SDS: variants seen among roughly 807,000 people sequenced by gnomAD.
SDS encodes the protein L-serine dehydratase/L-threonine deaminase.
In SDS, 19 loss-of-function variants were observed where a neutral mutation model predicts 29.3. The ratio of observed to expected loss-of-function variants is 0.65; its 90% CI spans 0.45 to 0.95. SDS has a LOEUF of 0.95. SDS is among the 40% of genes least tolerant of loss of function. The pLI, the probability that SDS is intolerant of heterozygous loss-of-function variation, is 0.00. For synonymous variants in SDS, 176 were observed against 189.0 expected (o/e 0.93, Z 0.56); for missense variants, 375 against 439.9 (o/e 0.85, Z 1.32).
At chr12:113,393,774 T>A (rs1339880277) in intron 7 of SDS, 118 bp downstream of exon 7, 1 of 1,348,164 alleles carries the variant, frequency 7.4e-7, no homozygotes, top group Admixed American at 2.0e-5. Flanking sequence ...TAGGCAGAGG[T>A]GGAAGACAGA....
chr12:113,395,733 A>G (rs540648349), intron 6 of SDS, among the ~76,000 whole-genome samples: 1 of 152,202 alleles, frequency 6.6e-6, no homozygotes, highest in South Asian at 2.1e-4. Context: ...TGGCGCCCTG[A>G]CTTTTCATGG....
chr12:113,402,104 A>G (rs1957687318), intron 1 of SDS, among the ~76,000 whole-genome samples: 1 of 152,104 alleles, frequency 6.6e-6, no homozygotes, highest in Non-Finnish European at 1.5e-5. Context: ...CATCCCCTAA[A>G]TAGGTCACCC....
At chr12:113,394,335 GTTTTTTTGTTT>G (rs1565868914) in intron 6 of SDS, among the ~76,000 whole-genome samples, 1 of 142,808 alleles carries the variant, frequency 7.0e-6, no homozygotes, top group East Asian at 2.0e-4. Context: ...TTTTTTTGTT[GTTTTTTTGTTT>G]TTTTTTTTTT....
intron 1 of SDS, among the ~76,000 whole-genome samples, chr12:113,400,472 CAA>C (rs201609642): frequency 7.4e-6 from 1 of 134,732 alleles, no homozygotes; most frequent in Non-Finnish European, 1.6e-5. Context: ...GACTGTGTCT[CAA>C]AAAAAAAAAA....
intron 6 of SDS, among the ~76,000 whole-genome samples, chr12:113,395,254 C>T (rs1321020595): frequency 6.6e-6 from 1 of 152,196 alleles, no homozygotes; most frequent in African/African-American, 2.4e-5. Context: ...CCTCTCCCTT[C>T]CCCAGGAGCA....
Position 113,392,863 on chromosome 12 carries a change from A to T in SDS, c.*78T>A. On this transcript the variant is annotated 3_prime_UTR_variant, in exon 8 of 8. Transcript: ENST00000257549. ...CCACAGGTGCTCAGCCAAACATACG[A>T]CGAGGCGCTGGATAAAACTCCAGCC... is the stretch of plus-strand genomic sequence containing the variant. 1 of 1,373,272 alleles carries T rather than the reference A, an allele frequency of 7.3e-7. No individual in the cohort carries two copies. The allele number at this position is 1,373,272 out of a possible 1,614,324, so 85.1% of individuals were successfully genotyped here.
chr12:113,397,638 G>A (rs1957656259), intron 5 of SDS, among the ~76,000 whole-genome samples: 1 of 152,166 alleles, frequency 6.6e-6, no homozygotes, highest in African/African-American at 2.4e-5. Context: ...ATGGCTACGA[G>A]TCGGTGTACA....
At chr12:113,395,875 G>A (rs1472378301) in intron 6 of SDS, among the ~76,000 whole-genome samples, 1 of 152,194 alleles carries the variant, frequency 6.6e-6, no homozygotes, top group African/African-American at 2.4e-5. Flanking sequence ...ACTTTGGGAG[G>A]CTGAGGTGGG....
Position 113,398,573 on chromosome 12 carries a change from G to A in SDS, c.367C>T (p.Leu123=). ...LDEAFELAKA[L]AKNNPGWVYI... is the part of the protein sequence containing the mutation. Reference sequence around the variant, plus strand: ...ACCCAACCCGGGTTGTTCTTCGCTAGGGCCTTGGCCAGCTCGAAGGCTTCA... The same window carrying A: ...ACCCAACCCGGGTTGTTCTTCGCTAAGGCCTTGGCCAGCTCGAAGGCTTCA... The change falls in exon 5 of 8, where the codon CTA becomes TTA. Residue 123 remains leucine (L), a synonymous_variant. Transcript: ENST00000257549. 6.3e-7 allele frequency: 1 copy of A among 1,595,312 alleles called. No individual in the cohort carries two copies. Among genetic ancestry groups the A allele is most frequent in the Non-Finnish European group, 8.5e-7 (1 of 1,170,028 alleles).
chr12:113,395,850 G>A (rs550301965), intron 6 of SDS, among the ~76,000 whole-genome samples: 17 of 152,166 alleles, frequency 1.1e-4, no homozygotes, highest in Non-Finnish European at 2.5e-4. Context: ...GGTGGCTCAC[G>A]CCTGTAATCC....
chr12:113,392,873 G>T lies in SDS; in HGVS notation c.*68C>A. 6.9e-7 allele frequency: 1 copy of T among 1,450,678 alleles called. No individual in the cohort carries two copies. The highest frequency in any genetic ancestry group is 9.6e-7 in the Non-Finnish European group (1 of 1,043,900). 89.9% of individuals were successfully genotyped at this position (1,450,678 alleles called of 1,614,324 possible). ...TCAGCCAAACATACGACGAGGCGCT[G>T]GATAAAACTCCAGCCCCTCCAGGGG... On this transcript the variant is annotated 3_prime_UTR_variant, in exon 8 of 8. Transcript: ENST00000257549.
chr12:113,400,110 G>A (rs1243706035), intron 1 of SDS, among the ~76,000 whole-genome samples: 1 of 152,172 alleles, frequency 6.6e-6, no homozygotes, highest in East Asian at 1.9e-4. Flanking sequence ...TGGCCAACAT[G>A]GTGAAACCCC....
chr12:113,392,828 T>C lies in SDS; in HGVS notation c.*113A>G, dbSNP rs1957618985. ...GGCTCCTGATAACAAGAAGTTAACC[T>C]GCACCCAGGCCACAGGTGCTCAGCC... On this transcript the variant is annotated 3_prime_UTR_variant, in exon 8 of 8. Coordinates refer to ENST00000257549, the MANE Select transcript of SDS (RefSeq NM_006843.3). The C allele has an allele frequency of 4.9e-6, 5 of 1,018,488 alleles. No individual in the cohort carries two copies. Among genetic ancestry groups the C allele is most frequent in the Non-Finnish European group, 7.5e-6 (5 of 667,220 alleles). 63.1% of individuals were successfully genotyped at this position (1,018,488 alleles called of 1,614,324 possible).
intron 6 of SDS, chr12:113,396,835 C>T (rs1451277231): frequency 2.6e-6 from 1 of 385,006 alleles, no homozygotes; most frequent in East Asian, 4.4e-5. Flanking sequence ...GTGGGAATCT[C>T]TCTATGTTGC....
chr12:113,402,858 G>A (rs1008501921), intron 1 of SDS, among the ~76,000 whole-genome samples: 4 of 152,184 alleles, frequency 2.6e-5, no homozygotes, highest in Non-Finnish European at 5.9e-5. Flanking sequence ...CTTCAGAAGA[G>A]GTTGTGCCCG....
rs1312016947 is a variant in SDS, at chr12:113,392,812, TAAC to T, written c.*126_*128del. On this transcript the variant is annotated 3_prime_UTR_variant, in exon 8 of 8. Coordinates refer to ENST00000257549, the MANE Select transcript of SDS (RefSeq NM_006843.3). ...TGGCCTCTGCATAGTGGGCTCCTGA[TAAC>T]AAGAAGTTAACCTGCACCCAGGCCA... 3 of 887,866 alleles carry T rather than the reference TAAC, an allele frequency of 3.4e-6. No individual in the cohort carries two copies. Among genetic ancestry groups the T allele is most frequent in the East Asian group, 4.8e-5 (2 of 41,686 alleles). The allele number at this position is 887,866 out of a possible 1,614,324, so 55.0% of individuals were successfully genotyped here.
At chr12:113,403,311 G>A (rs946561001) in intron 1 of SDS, among the ~76,000 whole-genome samples, 1 of 151,798 alleles carries the variant, frequency 6.6e-6, no homozygotes, top group Admixed American at 6.6e-5. Context: ...CTTTTTTTAG[G>A]TCAGGAGTTC....
At chr12:113,400,211 T>C (rs1021206384) in intron 1 of SDS, among the ~76,000 whole-genome samples, 1 of 151,904 alleles carries the variant, frequency 6.6e-6, no homozygotes, top group East Asian at 1.9e-4. Context: ...GAGAATCACT[T>C]GAACCCAGGA....
Position 113,398,556 on chromosome 12 carries a change from CG to C in SDS, c.383del (p.Pro128ArgfsTer22), listed in dbSNP as rs780619288. 6.3e-7 allele frequency: 1 copy of C among 1,594,644 alleles called. No homozygotes were observed. Among genetic ancestry groups the C allele is most frequent in the South Asian group, 1.1e-5 (1 of 89,434 alleles). On this transcript the variant is annotated frameshift_variant, in exon 5 of 8. Transcript: ENST00000257549. LOFTEE classifies it high-confidence loss of function. ...CAAAGGGGGGAATGTAGACCCAACC[CG>C]GGTTGTTCTTCGCTAGGGCCTTGGC... ...ELAKALAKNNPGWVYIPPFDD... is the reference protein window; with the variant it reads ...ELAKALAKNNXGWVYIPPFDD...
Sources: allele counts gnomAD v4.1 joint callset (sites outside exome capture counted in the v4.1 genomes callset), GRCh38; gene constraint gnomAD v4.1.1; transcripts MANE v1.5; gene names NCBI Gene and HGNC (gene_info 2026-07-23, HGNC 2026-07-21).